UTRN: variants seen among roughly 807,000 people sequenced by gnomAD.
UTRN encodes utrophin.
In UTRN, 283 loss-of-function variants were observed where a neutral mutation model predicts 463.9. That is an observed-to-expected ratio of 0.61 (90% confidence interval 0.55 to 0.67). The LOEUF is 0.67. UTRN is among the 30% of genes least tolerant of loss of function. The pLI is 0.00. For synonymous variants in UTRN, 1,442 were observed against 1,431.5 expected, an observed-to-expected ratio of 1.01 and a Z score of -0.17; for missense variants, 3,922 against 4,084.3, an observed-to-expected ratio of 0.96 and a Z score of 1.08.
chr6:144,764,708 T>C (rs1463468188), intron 58 of UTRN, among the ~76,000 whole-genome samples: 5 of 152,150 alleles, frequency 3.3e-5, no homozygotes, highest in African/African-American at 1.2e-4. Flanking sequence ...AATAGAAATA[T>C]GCTGATTATA....
intron 64 of UTRN, among the ~76,000 whole-genome samples, chr6:144,798,798 GT>G (rs1562926481): frequency 1.3e-5 from 2 of 152,362 alleles, no homozygotes; most frequent in African/African-American, 4.8e-5. Flanking sequence ...CTGGTGTGCA[GT>G]GGCACGATCT....
intron 1 of UTRN, 49 bp downstream of exon 1, chr6:144,285,870 C>T (rs1803617007): frequency 6.6e-6 from 1 of 152,140 alleles, no homozygotes; most frequent in Non-Finnish European, 1.5e-5. Flanking sequence ...TGACTACAGC[C>T]CCCGAGGGAA....
intron 51 of UTRN, among the ~76,000 whole-genome samples, chr6:144,611,825 T>C (rs901452515): frequency 4.6e-5 from 7 of 152,210 alleles, no homozygotes; most frequent in Non-Finnish European, 1.0e-4. Context: ...AAAATTCCAG[T>C]GTCATTTTTT....
At chr6:144,708,046 T>C (rs533739139) in intron 53 of UTRN, 1 of 191,298 alleles carries the variant, frequency 5.2e-6, no homozygotes, top group African/African-American at 2.4e-5. Context: ...TAAAGCTTTT[T>C]ACAGTATTTT....
At chr6:144,845,107 C>T (rs1394538440) in intron 73 of UTRN, among the ~76,000 whole-genome samples, 1 of 152,150 alleles carries the variant, frequency 6.6e-6, no homozygotes, top group African/African-American at 2.4e-5. Context: ...TGATAGCATC[C>T]TTGAATTATG....
chr6:144,353,713 G>A (rs909025592), intron 2 of UTRN, among the ~76,000 whole-genome samples: 5 of 152,158 alleles, frequency 3.3e-5, no homozygotes, highest in African/African-American at 4.8e-5. Flanking sequence ...TGGGTGTGGT[G>A]GTGAGTGCCT....
At chr6:144,794,564 A>C (rs9373427) in intron 63 of UTRN, among the ~76,000 whole-genome samples, 2 of 152,054 alleles carry the variant, frequency 1.3e-5, no homozygotes, top group African/African-American at 4.8e-5. Flanking sequence ...TACACACTGA[A>C]TTATATAATT....
chr6:144,627,557 G>A (rs1776074340), intron 51 of UTRN, among the ~76,000 whole-genome samples: 1 of 152,016 alleles, frequency 6.6e-6, no homozygotes, highest in Non-Finnish European at 1.5e-5. Flanking sequence ...GCCATCTCTG[G>A]AATTTTTTTA....
At chr6:144,495,106 G>A (rs1279268392) in intron 33 of UTRN, among the ~76,000 whole-genome samples, 2 of 152,240 alleles carry the variant, frequency 1.3e-5, no homozygotes, top group Non-Finnish European at 2.9e-5. Flanking sequence ...CCCGCACCCG[G>A]GCTGCAGGTG....
chr6:144,724,104 A>G (rs1016814704), intron 53 of UTRN, among the ~76,000 whole-genome samples: 17 of 151,702 alleles, frequency 1.1e-4, no homozygotes, highest in Admixed American at 1.1e-3. Context: ...TATTTTAATA[A>G]TAACCTTGTT....
intron 51 of UTRN, among the ~76,000 whole-genome samples, chr6:144,601,541 C>T (rs75457285): frequency 0.016 from 2,372 of 152,106 alleles, 23 homozygotes; most frequent in Middle Eastern, 0.037. Context: ...GCTGCAATCT[C>T]GTGGTAAAAC....
At chr6:144,377,830 C>A (rs1311547049) in intron 2 of UTRN, among the ~76,000 whole-genome samples, 1 of 152,180 alleles carries the variant, frequency 6.6e-6, no homozygotes, top group Non-Finnish European at 1.5e-5. Flanking sequence ...GTTCTTCCAT[C>A]AGTGAGTCTC....
intron 17 of UTRN, among the ~76,000 whole-genome samples, chr6:144,450,535 C>T (rs1255839324): frequency 6.6e-6 from 1 of 152,178 alleles, no homozygotes. Flanking sequence ...GAATTAGCAC[C>T]TAGCAAATTC....
chr6:144,411,902 G>A (rs900672807), intron 3 of UTRN, among the ~76,000 whole-genome samples: 4 of 152,044 alleles, frequency 2.6e-5, no homozygotes, highest in Admixed American at 1.3e-4. Flanking sequence ...GGACGGCTGA[G>A]AGATCTGCAG....
intron 52 of UTRN, among the ~76,000 whole-genome samples, chr6:144,693,855 TCTC>T (rs1783690117): frequency 1.3e-5 from 2 of 152,210 alleles, no homozygotes; most frequent in South Asian, 4.1e-4. Context: ...TAGTTTGACT[TCTC>T]CTCTTTCTAT....
chr6:144,779,913 G>A (rs979521483), intron 60 of UTRN, among the ~76,000 whole-genome samples: 1 of 151,146 alleles, frequency 6.6e-6, no homozygotes, highest in African/African-American at 2.4e-5. Context: ...GGATTGGTTC[G>A]TTATCCAGAC....
chr6:144,747,847 A>G (rs959826582), intron 54 of UTRN, among the ~76,000 whole-genome samples: 20 of 152,182 alleles, frequency 1.3e-4, no homozygotes, highest in Admixed American at 4.6e-4. Context: ...GTCATTCTTC[A>G]TTAATTATAC....
intron 2 of UTRN, among the ~76,000 whole-genome samples, chr6:144,354,907 T>C (rs569999875): frequency 3.2e-4 from 49 of 152,168 alleles, no homozygotes; most frequent in Non-Finnish European, 7.2e-4. Flanking sequence ...AACTTATCTT[T>C]TAATAATCTC....
At chr6:144,732,239 C>G (rs71547166) in intron 54 of UTRN, among the ~76,000 whole-genome samples, 1 of 116,062 alleles carries the variant, frequency 8.6e-6, no homozygotes. Flanking sequence ...TATATATATA[C>G]ATATATATAT....
Sources: allele counts gnomAD v4.1 joint callset (sites outside exome capture counted in the v4.1 genomes callset), GRCh38; gene constraint gnomAD v4.1.1; transcripts MANE v1.5; gene names NCBI Gene and HGNC (gene_info 2026-07-23, HGNC 2026-07-21).